PCDHGB3: variants seen among roughly 807,000 people sequenced by gnomAD.
The protein encoded by PCDHGB3 is protocadherin gamma subfamily B, 3.
A neutral mutation model predicts 59.2 loss-of-function variants in PCDHGB3; 40 were observed. The ratio of observed to expected loss-of-function variants is 0.68; its 90% CI spans 0.52 to 0.88. The LOEUF (loss-of-function observed/expected upper bound fraction) is 0.88, where lower values mean the gene tolerates loss of function less well. Among genes scored for constraint, PCDHGB3 ranks in the 40% least tolerant of loss-of-function variants. The pLI is 0.00. For missense variants in PCDHGB3, 1,309 were observed against 1,187.9 expected (o/e 1.10, Z -1.50); for synonymous variants, 581 against 503.6 (o/e 1.15, Z -2.06).
In PCDHGB3 at chr5:141,490,296, G is replaced by T; in HGVS notation, c.2416-4511G>T. The stretch of plus-strand genomic sequence containing the variant: ...ATGACAATGCCCCAGAGGTGCTATT[G>T]GCCTCTTTGGCCAACCCTGTCCTAG... On this transcript the variant is annotated intron_variant, in intron 1 of 3. Coordinates refer to ENST00000576222, the MANE Select transcript of PCDHGB3 (RefSeq NM_018924.5). This position sits in a 1 kb window ranked among gnomAD's most constrained non-coding sequence, Gnocchi z 5.4. 6.2e-7 allele frequency: 1 copy of T among 1,614,184 alleles called. No homozygotes were observed. Among genetic ancestry groups the T allele is most frequent in the South Asian group, 1.1e-5 (1 of 91,084 alleles).
Position 141,489,351 on chromosome 5 carries a change from G to A in PCDHGB3, c.2416-5456G>A, listed in dbSNP as rs2099685862. ...GGCAGCTTCGTTACTCAGTGGTGGAGGAGTCTGAGCCGGGGACGCTGGTGG... is the reference window on the plus strand; with the variant it reads ...GGCAGCTTCGTTACTCAGTGGTGGAAGAGTCTGAGCCGGGGACGCTGGTGG... On this transcript the variant is annotated intron_variant, in intron 1 of 3. Transcript: ENST00000576222. This position sits in a 1 kb window ranked among gnomAD's most constrained non-coding sequence, Gnocchi z 4.5. The A allele has an allele frequency of 6.2e-7, 1 of 1,612,202 alleles. No individual in the cohort carries two copies. The highest frequency in any genetic ancestry group is 1.3e-5 in the African/African-American group (1 of 75,006).
rs779535322 is a variant in PCDHGB3 at position 141,398,516 on chromosome 5, C to A, written c.2415+25707C>A. ...GAGATCGAGGACATTAATGACCACACGCCAAAATTCACGCAAAATTCCTTT... is the reference window on the plus strand; with the variant it reads ...GAGATCGAGGACATTAATGACCACAAGCCAAAATTCACGCAAAATTCCTTT... On this transcript the variant is annotated intron_variant, in intron 1 of 3. Coordinates refer to ENST00000576222, the MANE Select transcript of PCDHGB3 (RefSeq NM_018924.5). The A allele has an allele frequency of 1.9e-6, 3 of 1,598,584 alleles. No individual in the cohort carries two copies. The South Asian group carries it at 3.3e-5, about 18-fold the overall frequency.
intron 2 of PCDHGB3, among the ~76,000 whole-genome samples, chr5:141,505,146 A>G (rs2099844101): frequency 6.6e-6 from 1 of 152,190 alleles, no homozygotes; most frequent in Non-Finnish European, 1.5e-5. Flanking sequence ...TGGATGACAG[A>G]GTAAGACCCT....
chr5:141,383,352 G>T lies in PCDHGB3; in HGVS notation c.2415+10543G>T, dbSNP rs115561507. On this transcript the variant is annotated intron_variant, in intron 1 of 3. Coordinates refer to ENST00000576222, the MANE Select transcript of PCDHGB3 (RefSeq NM_018924.5). ...TGGAGAATACAGCTCCTGGGGTTCG[G>T]TTTCCGTTAAGCGAGGCTGGGGATC... The T allele has an allele frequency of 9.3e-4, 1,504 of 1,614,018 alleles. 9 individuals carry two copies. In the African/African-American group the frequency reaches 0.016, roughly 17 times the overall value.
intron 1 of PCDHGB3, chr5:141,376,030 C>G (rs766254447): frequency 1.2e-6 from 2 of 1,613,082 alleles, no homozygotes; most frequent in Non-Finnish European, 1.7e-6. Flanking sequence ...TCCAGGACCA[C>G]GGCCAGCCCC....
At chr5:141,375,214 C>G in intron 1 of PCDHGB3, 1 of 1,613,810 alleles carries the variant, frequency 6.2e-7, no homozygotes. Flanking sequence ...GAGACTCTGG[C>G]CTGAATGGCC....
At chr5:141,430,559 G>C in intron 1 of PCDHGB3, 1 of 418,772 alleles carries the variant, frequency 2.4e-6, no homozygotes. Flanking sequence ...CACCAATCGG[G>C]GAGAGAAAAG....
chr5:141,478,752 G>A (rs2099475483), intron 1 of PCDHGB3: 2 of 1,521,420 alleles, frequency 1.3e-6, no homozygotes, highest in South Asian at 1.3e-5. Context: ...CATTTCAGGG[G>A]GAAGATACTT....
At chr5:141,438,571 TATACATACATAC>T (rs1212381177) in intron 1 of PCDHGB3, among the ~76,000 whole-genome samples, 4 of 94,544 alleles carry the variant, frequency 4.2e-5, no homozygotes, top group African/African-American at 9.7e-5. Context: ...AGCTGTCTGA[TATACATACATAC>T]ATACATACAT....
At chr5:141,414,100 G>A (rs1293589634) in intron 1 of PCDHGB3, 2 of 1,593,288 alleles carry the variant, frequency 1.3e-6, no homozygotes. Context: ...AAAAATATCA[G>A]AAAATCTAGA....
chr5:141,376,457 C>T (rs945491393), intron 1 of PCDHGB3: 1 of 1,614,214 alleles, frequency 6.2e-7, no homozygotes, highest in Non-Finnish European at 8.5e-7. Context: ...CGAGCCTCTT[C>T]TGATAACTCA....
intron 1 of PCDHGB3, chr5:141,392,800 G>T (rs1394780689): frequency 6.4e-7 from 1 of 1,570,722 alleles, no homozygotes; most frequent in African/African-American, 1.4e-5. Context: ...AGAGGATTCT[G>T]CAGCAAAACA....
chr5:141,409,056 C>T, intron 1 of PCDHGB3: 2 of 1,613,926 alleles, frequency 1.2e-6, no homozygotes, highest in South Asian at 1.1e-5. Context: ...CGAAGCACTG[C>T]CCAGAGCACA....
Position 141,393,820 on chromosome 5 carries a change from CG to C in PCDHGB3, c.2415+21013del, listed in dbSNP as rs370400807. Reference sequence around the variant, plus strand: ...CTGGGGAGGACCAAATTGCTCATTTCGGTGGAAGATGTAAATGACAATAGAC... The same window carrying C: ...CTGGGGAGGACCAAATTGCTCATTTCGTGGAAGATGTAAATGACAATAGAC... On this transcript the variant is annotated intron_variant, in intron 1 of 3. Transcript: ENST00000576222. The C allele has an allele frequency of 9.3e-6, 15 of 1,613,800 alleles. No individual in the cohort carries two copies. In the African/African-American group the frequency reaches 9.3e-5, roughly 10 times the overall value.
chr5:141,389,930 C>T (rs1255366269), intron 1 of PCDHGB3: 1 of 1,614,064 alleles, frequency 6.2e-7, no homozygotes. Context: ...CCTCTGACCT[C>T]CAGGCTGAGC....
intron 1 of PCDHGB3, chr5:141,419,582 T>A (rs1474193256): frequency 6.2e-7 from 1 of 1,611,894 alleles, no homozygotes. Context: ...CTCCGCGCTC[T>A]TCGACACAGT....
At chr5:141,430,612 G>A (rs1406353008) in intron 1 of PCDHGB3, 2 of 680,678 alleles carry the variant, frequency 2.9e-6, no homozygotes, top group African/African-American at 3.7e-5. Flanking sequence ...GCACAAAGCA[G>A]ATAGCTAGGA....
At chr5:141,457,107 A>G (rs2098908740) in intron 1 of PCDHGB3, among the ~76,000 whole-genome samples, 1 of 152,260 alleles carries the variant, frequency 6.6e-6, no homozygotes, top group African/African-American at 2.4e-5. Flanking sequence ...ATTAAGCAAA[A>G]TACGACAGCA....
chr5:141,415,740 GTTTTTTTTTTTTTTTTT>G (rs57426385), intron 1 of PCDHGB3: 62 of 625,030 alleles, frequency 9.9e-5, no homozygotes, highest in East Asian at 4.1e-4. Flanking sequence ...GTTTATTAAG[GTTTTTTTTTTTTTTTTT>G]TTTTTTTTTT....
Sources: gnomAD v4.1 joint callset for allele counts (sites outside exome capture counted in the v4.1 genomes callset) on GRCh38, gnomAD v4.1.1 for gene constraint, Gnocchi (gnomAD v3.1) non-coding constraint, MANE v1.5 for transcripts, NCBI Gene and HGNC (gene_info 2026-07-23, HGNC 2026-07-21) for gene names.